CLSTN2: variants seen among roughly 807,000 people sequenced by gnomAD.
The protein encoded by CLSTN2 is calsyntenin-2.
CLSTN2 carries 48 observed loss-of-function variants against 101.2 expected under a neutral mutation model. That is an observed-to-expected ratio of 0.47 (90% confidence interval 0.38 to 0.60). CLSTN2 has a LOEUF of 0.60. Ranked by LOEUF, CLSTN2 falls within the 20% of genes least tolerant of loss-of-function variation. The pLI, the probability that CLSTN2 is intolerant of heterozygous loss-of-function variation, is 0.00. For missense variants in CLSTN2, 1,160 were observed against 1,238.2 expected, an observed-to-expected ratio of 0.94 and a Z score of 0.95; for synonymous variants, 481 against 463.6, an observed-to-expected ratio of 1.04 and a Z score of -0.48.
chr3:140,171,351 G>A (rs2010209643), intron 1 of CLSTN2, among the ~76,000 whole-genome samples: 9 of 151,970 alleles, frequency 5.9e-5, no homozygotes, highest in African/African-American at 2.4e-5. Context: ...AGAATAGCAA[G>A]GCATATGTCC....
At chr3:139,994,407 A>C (rs1411811224) in intron 1 of CLSTN2, among the ~76,000 whole-genome samples, 1 of 152,288 alleles carries the variant, frequency 6.6e-6, no homozygotes, top group South Asian at 2.1e-4. Flanking sequence ...TACCCACTTA[A>C]CTGATGAGGA....
chr3:140,283,010 GATATCC>G (rs1187167311), intron 2 of CLSTN2, among the ~76,000 whole-genome samples: 2 of 152,208 alleles, frequency 1.3e-5, no homozygotes, highest in East Asian at 3.9e-4. Context: ...TCTCACCAGT[GATATCC>G]AGGGGCTGCT....
intron 10 of CLSTN2, among the ~76,000 whole-genome samples, chr3:140,551,820 TTATATATTTAAA>T (rs1213659209): frequency 1.4e-5 from 2 of 139,074 alleles, no homozygotes; most frequent in East Asian, 3.9e-4. Context: ...TAAATATATA[TTATATATTTAAA>T]TATATATTAT....
intron 6 of CLSTN2, chr3:140,450,021 A>G (rs1161297374): frequency 6.6e-6 from 1 of 152,322 alleles, no homozygotes; most frequent in Non-Finnish European, 1.5e-5. Flanking sequence ...GGAGTTAGGA[A>G]ACAAAGCTGA....
chr3:140,228,750 G>T (rs1316173100), intron 2 of CLSTN2, among the ~76,000 whole-genome samples: 1 of 152,182 alleles, frequency 6.6e-6, no homozygotes, highest in Non-Finnish European at 1.5e-5. Context: ...TTACATGGAT[G>T]GCTGCAGGCA....
intron 2 of CLSTN2, among the ~76,000 whole-genome samples, chr3:140,389,715 T>G (rs1298409684): frequency 6.6e-6 from 1 of 152,236 alleles, no homozygotes; most frequent in Non-Finnish European, 1.5e-5. Context: ...CCACACTGTC[T>G]TCCACAGTGG....
At chr3:140,177,032 T>C (rs987061208) in intron 2 of CLSTN2, among the ~76,000 whole-genome samples, 6 of 152,186 alleles carry the variant, frequency 3.9e-5, no homozygotes, top group Non-Finnish European at 2.9e-5. Flanking sequence ...TCTTTCATTA[T>C]GGAATATTAT....
chr3:139,948,433 C>G (rs1935245164), intron 1 of CLSTN2, among the ~76,000 whole-genome samples: 1 of 151,688 alleles, frequency 6.6e-6, no homozygotes, highest in African/African-American at 2.4e-5. Flanking sequence ...CCATTGCACT[C>G]CGGCTTGGGT....
chr3:140,195,356 C>T (rs192103266), intron 2 of CLSTN2, among the ~76,000 whole-genome samples: 130 of 152,176 alleles, frequency 8.5e-4, no homozygotes, highest in African/African-American at 3.0e-3. Flanking sequence ...AAGAAGAAAA[C>T]CTAAAGAACT....
chr3:140,452,930 G>T (rs925491002), intron 6 of CLSTN2, among the ~76,000 whole-genome samples: 7 of 152,162 alleles, frequency 4.6e-5, no homozygotes, highest in Admixed American at 3.9e-4. Flanking sequence ...TGAATTCATA[G>T]CTCCACATGA....
At chr3:140,518,959 G>A (rs1458021819) in intron 8 of CLSTN2, among the ~76,000 whole-genome samples, 1 of 151,848 alleles carries the variant, frequency 6.6e-6, no homozygotes, top group Non-Finnish European at 1.5e-5. Context: ...TTTGATGTGG[G>A]CATTTAGTGC....
chr3:140,091,095 A>G (rs1055798269), intron 1 of CLSTN2, among the ~76,000 whole-genome samples: 1 of 152,044 alleles, frequency 6.6e-6, no homozygotes, highest in Non-Finnish European at 1.5e-5. Flanking sequence ...GCCAGTCACC[A>G]TTTCTTTATT....
At chr3:140,534,310 C>A (rs997905471) in intron 9 of CLSTN2, among the ~76,000 whole-genome samples, 11 of 152,114 alleles carry the variant, frequency 7.2e-5, no homozygotes, top group Non-Finnish European at 1.5e-4. Context: ...AAGAGCCCCT[C>A]AGAAACCACA....
intron 5 of CLSTN2, among the ~76,000 whole-genome samples, chr3:140,427,979 GACCACAGC>G (rs2088591316): frequency 1.3e-5 from 2 of 152,156 alleles, no homozygotes; most frequent in South Asian, 4.1e-4. Context: ...TCCCTTTGTG[GACCACAGC>G]ACTGCAGAGG....
At chr3:140,563,272 C>G in intron 15 of CLSTN2, 69 bp downstream of exon 15, 1 of 1,548,950 alleles carries the variant, frequency 6.5e-7, no homozygotes, top group South Asian at 1.2e-5. Context: ...ATCTACTCAA[C>G]AGACGGTTAT....
chr3:140,161,100 G>C (rs140055749), intron 1 of CLSTN2, among the ~76,000 whole-genome samples: 152 of 152,168 alleles, frequency 1.0e-3, no homozygotes, highest in African/African-American at 3.6e-3. Context: ...TAGCAATTTT[G>C]GGATGTATGC....
intron 2 of CLSTN2, among the ~76,000 whole-genome samples, chr3:140,234,497 G>T (rs1486821411): frequency 1.3e-5 from 2 of 152,098 alleles, no homozygotes; most frequent in East Asian, 3.9e-4. Flanking sequence ...AGCTACCAAG[G>T]TCATAGTGGA....
intron 2 of CLSTN2, among the ~76,000 whole-genome samples, chr3:140,333,118 G>A (rs1388923296): frequency 1.3e-5 from 2 of 152,158 alleles, no homozygotes; most frequent in African/African-American, 4.8e-5. Context: ...ATGTTGGATT[G>A]CTCCTCTCCT....
intron 8 of CLSTN2, among the ~76,000 whole-genome samples, chr3:140,498,135 C>T (rs143631984): frequency 0.015 from 2,299 of 152,254 alleles, 41 homozygotes; most frequent in Non-Finnish European, 0.017. Flanking sequence ...CTTGGACTCT[C>T]CCCCAAGACA....
Sources: gnomAD v4.1 joint callset for allele counts (sites outside exome capture counted in the v4.1 genomes callset) on GRCh38, gnomAD v4.1.1 for gene constraint, MANE v1.5 for transcripts, NCBI Gene and HGNC (gene_info 2026-07-23, HGNC 2026-07-21) for gene names.